The following NEU3 variants were observed in gnomAD, a reference collection of about 807,000 sequenced individuals.
NEU3 encodes sialidase-3.
In NEU3, 10 loss-of-function variants were observed where a neutral mutation model predicts 11.4. The observed-to-expected ratio is 0.88, with a 90% CI of 0.54 to 1.49. NEU3 has a LOEUF of 1.49. Ranked by LOEUF, NEU3 falls within the 40% of genes most tolerant of loss-of-function variation. The pLI, the probability that NEU3 is intolerant of heterozygous loss-of-function variation, is 0.00. For missense variants in NEU3, 529 were observed against 581.8 expected (o/e 0.91, Z 0.93); for synonymous variants, 212 against 228.2 (o/e 0.93, Z 0.64).
At chr11:74,985,559 A>G (rs1948660536), upstream of NEU3, among the ~76,000 whole-genome samples, 1 of 141,754 alleles carries the variant, frequency 7.1e-6, no homozygotes, top group Admixed American at 7.7e-5. Flanking sequence ...TTTGATTGAG[A>G]GTCTCCCAAA....
At chr11:74,990,141 ACAG>A (rs1948714547) in intron 1 of NEU3, 2 of 644,488 alleles carry the variant, frequency 3.1e-6, no homozygotes. Flanking sequence ...ACCTATTAAA[ACAG>A]CAGTTTAAAA....
chr11:75,002,666 T>C (rs1192882181), intron 2 of NEU3, among the ~76,000 whole-genome samples: 1 of 152,224 alleles, frequency 6.6e-6, no homozygotes, highest in Admixed American at 6.5e-5. Context: ...AGCCAACACT[T>C]GTGGACTCAT....
At chr11:74,981,295 C>T in the NEU3 span, among the ~76,000 whole-genome samples, 48 of 152,248 alleles carry the variant, frequency 3.2e-4, no homozygotes, top group East Asian at 8.1e-3. Flanking sequence ...CAAAGGTGAC[C>T]CACTGGAGAA....
chr11:74,982,560 G>T, the NEU3 span, among the ~76,000 whole-genome samples: 1 of 151,996 alleles, frequency 6.6e-6, no homozygotes, highest in Non-Finnish European at 1.5e-5. Flanking sequence ...TCTCTCTACA[G>T]CTTTAAGGAA....
In NEU3 at chr11:75,002,437, A is replaced by G. The variant is rs564770437; in HGVS notation, c.307-2976A>G. On this transcript the variant is annotated intron_variant, in intron 2 of 2. Transcript: ENST00000294064. ...ATAAAAAAAGTATAAAAAGATATAT[A>G]TCTCATTTCCATTCCCCTACCTCTT... 2.6e-5 allele frequency among the ~76,000 whole-genome samples: 4 copies of G among 152,374 alleles called. No individual in the cohort carries two copies. In the East Asian group the frequency reaches 7.7e-4, roughly 29 times the overall value.
rs996732090 is a variant in NEU3 at position 75,009,818 on chromosome 11, A to G, written c.*3326A>G. 2.6e-5 allele frequency: 4 copies of G among 152,148 alleles called. No individual in the cohort carries two copies. The highest frequency in any genetic ancestry group is 5.9e-5 in the Non-Finnish European group (4 of 68,054). The allele number at this position is 152,148 out of a possible 1,614,324, so 9.4% of individuals were successfully genotyped here. ...ATGTTCTTACTATTCACCTCAGGCC[A>G]TTGTCTGGGTGCTTAATTTGACTTG... On this transcript the variant is annotated 3_prime_UTR_variant, in exon 3 of 3. Transcript: ENST00000294064.
chr11:74,989,136 G>C lies in NEU3; in HGVS notation c.76G>C (p.Glu26Gln). 3 of 1,551,224 alleles carry C rather than the reference G, an allele frequency of 1.9e-6. No homozygotes were observed. The South Asian group carries it at 3.6e-5, about 18-fold the overall frequency. Residue 26 changes from glutamate (E) to glutamine (Q), a missense_variant, in exon 1 of 3, where the codon GAG (glutamate) becomes CAG (glutamine). Glu to Gln is a conservative substitution (Grantham distance 29, BLOSUM62 2). Transcript: ENST00000294064. ...CAGCTCTGCCCCGACAGAGACGGAG[G>C]AGCCGGGGTCCAGTGCAGGTGAGCG... ...ASSSAPTETE[E>Q]PGSSAEVMEE...
chr11:75,004,267 A>G, intron 2 of NEU3: 1 of 677,996 alleles, frequency 1.5e-6, no homozygotes, highest in Non-Finnish European at 2.7e-6. Flanking sequence ...GTAAAGTGTT[A>G]TGTCAATTTA....
intron 1 of NEU3, chr11:74,989,870 G>T: frequency 3.0e-6 from 2 of 670,898 alleles, no homozygotes; most frequent in South Asian, 3.2e-5. Context: ...ATGGGAAAGT[G>T]ATTATATCGA....
At chr11:74,987,120 A>G (rs930045391), upstream of NEU3, among the ~76,000 whole-genome samples, 1 of 152,196 alleles carries the variant, frequency 6.6e-6, no homozygotes, top group African/African-American at 2.4e-5. Flanking sequence ...TCTATCATTC[A>G]TTTGGCATTG....
chr11:74,988,550 A>G (rs1194687398), upstream of NEU3: 1 of 156,190 alleles, frequency 6.4e-6, no homozygotes, highest in African/African-American at 2.4e-5. Context: ...TTGCAAGGAG[A>G]GTAGCCAATG....
downstream of NEU3, among the ~76,000 whole-genome samples, chr11:75,012,511 A>G (rs639768): frequency 0.77 from 116,518 of 152,172 alleles, 44,993 homozygotes; most frequent in Non-Finnish European, 0.82. Context: ...CACAGGATCT[A>G]GATCGACTGA....
chr11:75,007,308 A>G lies in NEU3; in HGVS notation c.*816A>G, dbSNP rs1381094837. 6.6e-6 allele frequency: 1 copy of G among 152,190 alleles called. No individual in the cohort carries two copies. Among genetic ancestry groups the G allele is most frequent in the East Asian group, 1.9e-4 (1 of 5,200 alleles). 9.4% of individuals were successfully genotyped at this position (152,190 alleles called of 1,614,324 possible). On this transcript the variant is annotated 3_prime_UTR_variant, in exon 3 of 3. Coordinates refer to ENST00000294064, the MANE Select transcript of NEU3 (RefSeq NM_006656.6). ...AAAGGACATGGATTAGGACTTTAAA[A>G]CACTGGACAGAATTTCCCACAGTCT...
downstream of NEU3, among the ~76,000 whole-genome samples, chr11:75,013,287 T>C (rs1332720319): frequency 1.3e-5 from 2 of 152,126 alleles, no homozygotes; most frequent in Non-Finnish European, 2.9e-5. Context: ...CAGTGAATCC[T>C]CAAAAGGGTT....
chr11:75,014,957 T>C (rs1256570481), downstream of NEU3, among the ~76,000 whole-genome samples: 1 of 152,240 alleles, frequency 6.6e-6, no homozygotes, highest in Non-Finnish European at 1.5e-5. Context: ...AGTTTAAACC[T>C]TTGGCACATA....
chr11:75,001,188 T>G (rs1278351390), intron 2 of NEU3, among the ~76,000 whole-genome samples: 1 of 152,174 alleles, frequency 6.6e-6, no homozygotes, highest in Non-Finnish European at 1.5e-5. Context: ...ATTGTGTTTT[T>G]TAGTTGTATT....
downstream of NEU3, among the ~76,000 whole-genome samples, chr11:75,015,280 A>T (rs1948975945): frequency 6.6e-6 from 1 of 152,206 alleles, no homozygotes; most frequent in African/African-American, 2.4e-5. Flanking sequence ...TGAGGCAGAA[A>T]GCAAACCGTC....
At chr11:74,997,487 G>A (rs1407530702) in intron 2 of NEU3, among the ~76,000 whole-genome samples, 1 of 152,132 alleles carries the variant, frequency 6.6e-6, no homozygotes, top group Non-Finnish European at 1.5e-5. Context: ...CTCCCTATCA[G>A]CAATAAGGCT....
rs147423401 is a variant in NEU3 at position 75,009,386 on chromosome 11, T to C, written c.*2894T>C. Reference sequence around the variant, plus strand: ...ACTGCAACTTTAAGCTGGCTTAACTTGTCCAAGTTCCAGATGACCAACAAA... The same window carrying C: ...ACTGCAACTTTAAGCTGGCTTAACTCGTCCAAGTTCCAGATGACCAACAAA... On this transcript the variant is annotated 3_prime_UTR_variant, in exon 3 of 3. Transcript: ENST00000294064. The C allele has an allele frequency of 2.0e-5, 3 of 152,370 alleles. No individual in the cohort carries two copies. In the East Asian group the frequency reaches 5.8e-4, roughly 29 times the overall value. 9.4% of individuals were successfully genotyped at this position (152,370 alleles called of 1,614,324 possible). A position where few individuals can be genotyped will look rare whatever the true frequency, so the allele number is the denominator to read the frequency against.
Sources: gnomAD v4.1 joint callset for allele counts (sites outside exome capture counted in the v4.1 genomes callset) on GRCh38, gnomAD v4.1.1 for gene constraint, MANE v1.5 for transcripts, NCBI Gene and HGNC (gene_info 2026-07-23, HGNC 2026-07-21) for gene names.